MGAT4C: variants seen among roughly 807,000 people sequenced by gnomAD.
MGAT4C encodes the protein MGAT4 family member C.
Under a neutral mutation model 40.1 loss-of-function variants are expected in MGAT4C, and 19 were observed. The ratio of observed to expected loss-of-function variants is 0.47; its 90% CI spans 0.33 to 0.70. MGAT4C has a LOEUF of 0.70. MGAT4C is among the 30% of genes least tolerant of loss of function. The pLI is 0.02. For synonymous variants in MGAT4C, 181 were observed against 187.1 expected (o/e 0.97, Z 0.27); for missense variants, 491 against 563.2 (o/e 0.87, Z 1.30).
intron 1 of MGAT4C, among the ~76,000 whole-genome samples, chr12:86,180,012 C>T: frequency 6.6e-6 from 1 of 152,150 alleles, no homozygotes; most frequent in Non-Finnish European, 1.5e-5. Context: ...CCCAGAGGCC[C>T]AGGAGGAAAA....
chr12:86,359,938 C>A lies in MGAT4C; in HGVS notation c.-119-25811G>T, dbSNP rs539842486. Among the ~76,000 whole-genome samples the A allele has an allele frequency of 1.4e-3, 208 of 152,246 alleles. 1 individual carries two copies. The highest frequency in any genetic ancestry group is 4.7e-3 in the African/African-American group (196 of 41,528). ...TGGTACCATTCCTTCTGAAACTATT[C>A]CAATTAATAGATAAAGAGGGAATCC... On this transcript the variant is annotated intron_variant, in intron 3 of 7. Transcript: ENST00000548651.
At position 86,813,643 on chromosome 12, in the gene MGAT4C, A is replaced by G. The variant is rs570185362; in HGVS notation, c.-262+25023T>C. On this transcript the variant is annotated intron_variant, in intron 1 of 7. Coordinates refer to the MGAT4C transcript ENST00000548651. ...TTTTTAATTGACACAGTGAGTCACT[A>G]CATATTTCTGAAAAATTGCCTTAGG... Among the ~76,000 whole-genome samples, 9 of 152,192 alleles carry G rather than the reference A, an allele frequency of 5.9e-5. No homozygotes were observed. The South Asian group carries it at 1.9e-3, about 32-fold the overall frequency.
At position 85,960,724 on chromosome 12, in the gene MGAT4C, A is replaced by T. The variant is rs1883070811; in HGVS notation, c.*18565T>A. 6.6e-6 allele frequency: 1 copy of T among 151,910 alleles called. No individual in the cohort carries two copies. The highest frequency in any genetic ancestry group is 2.4e-5 in the African/African-American group (1 of 41,422). The allele number at this position is 151,910 out of a possible 1,614,324, so 9.4% of individuals were successfully genotyped here. The stretch of plus-strand genomic sequence containing the variant: ...AATGATGGCATGAACAACTCTAGAT[A>T]ATTTTTGTTTATTTGGATATAACGT... On this transcript the variant is annotated 3_prime_UTR_variant, in exon 5 of 5. Transcript: ENST00000611864.
chr12:86,071,790 A>G (rs1359220633), intron 1 of MGAT4C, among the ~76,000 whole-genome samples: 1 of 152,128 alleles, frequency 6.6e-6, no homozygotes, highest in Admixed American at 6.6e-5. Context: ...GTTGAACAGT[A>G]AAACGTGTTA....
At chr12:86,495,150 A>T (rs868499841) in intron 2 of MGAT4C, 149 of 152,218 alleles carry the variant, frequency 9.8e-4, no homozygotes, top group African/African-American at 3.5e-3. Context: ...TTATTTGCAT[A>T]TCAATAGGTA....
intron 3 of MGAT4C, among the ~76,000 whole-genome samples, chr12:86,408,479 C>CTGTA (rs1267344319): frequency 2.4e-4 from 15 of 63,344 alleles, no homozygotes; most frequent in African/African-American, 1.1e-3. Context: ...CTCTCTCTCT[C>CTGTA]TATATATATA....
intron 2 of MGAT4C, among the ~76,000 whole-genome samples, chr12:86,650,410 A>G (rs1010886896): frequency 2.6e-5 from 4 of 151,850 alleles, no homozygotes; most frequent in Non-Finnish European, 4.4e-5. Context: ...AGGTAAAGCT[A>G]GCATATTGCA....
intron 3 of MGAT4C, among the ~76,000 whole-genome samples, chr12:86,432,393 T>C (rs2136270355): frequency 6.6e-6 from 1 of 152,088 alleles, no homozygotes; most frequent in Admixed American, 6.6e-5. Flanking sequence ...GGTAGAGATG[T>C]GTAGTAAATA....
At chr12:86,517,590 G>C (rs1262252219) in intron 2 of MGAT4C, among the ~76,000 whole-genome samples, 1 of 152,030 alleles carries the variant, frequency 6.6e-6, no homozygotes, top group African/African-American at 2.4e-5. Flanking sequence ...TTCCAAAATA[G>C]GTTTTGAGAG....
chr12:86,491,575 G>T (rs1958136312), intron 2 of MGAT4C, among the ~76,000 whole-genome samples: 2 of 151,944 alleles, frequency 1.3e-5, no homozygotes, highest in South Asian at 4.2e-4. Flanking sequence ...TGCAGAACAG[G>T]CCTTTGACAA....
intron 1 of MGAT4C, among the ~76,000 whole-genome samples, chr12:86,152,797 T>A (rs1433807870): frequency 6.6e-6 from 1 of 152,188 alleles, no homozygotes; most frequent in East Asian, 1.9e-4. Flanking sequence ...CACATATGCA[T>A]TTTTGTGAAA....
At chr12:86,109,376 T>C (rs926749028) in intron 1 of MGAT4C, among the ~76,000 whole-genome samples, 1 of 152,112 alleles carries the variant, frequency 6.6e-6, no homozygotes, top group South Asian at 2.1e-4. Context: ...GTCATATTCT[T>C]ATACTAGCTA....
At chr12:86,357,860 A>G (rs1191910732) in intron 3 of MGAT4C, among the ~76,000 whole-genome samples, 4 of 152,212 alleles carry the variant, frequency 2.6e-5, no homozygotes, top group African/African-American at 9.6e-5. Flanking sequence ...TGATTGGTGT[A>G]CCTGAAAGTG....
At chr12:86,574,923 A>G (rs1960501718) in intron 2 of MGAT4C, among the ~76,000 whole-genome samples, 1 of 151,788 alleles carries the variant, frequency 6.6e-6, no homozygotes, top group African/African-American at 2.4e-5. Context: ...TGATACAGTG[A>G]GTATCTACAT....
chr12:86,394,752 T>C (rs1956225606), intron 3 of MGAT4C, among the ~76,000 whole-genome samples: 1 of 150,948 alleles, frequency 6.6e-6, no homozygotes, highest in African/African-American at 2.4e-5. Flanking sequence ...CCTGAGTAAC[T>C]GGGATTACAG....
At chr12:86,795,565 T>C (rs185052750) in intron 1 of MGAT4C, among the ~76,000 whole-genome samples, 64 of 151,610 alleles carry the variant, frequency 4.2e-4, no homozygotes, top group African/African-American at 1.5e-3. Flanking sequence ...TTGAAGTCAA[T>C]GTATTTGGAA....
intron 1 of MGAT4C, among the ~76,000 whole-genome samples, chr12:86,200,127 G>GTTTTTTTTTTTTTTTTTTTTTTTTTTGT (rs56844963): frequency 9.8e-6 from 1 of 102,356 alleles, no homozygotes; most frequent in African/African-American, 4.8e-5. Context: ...GTATGTATTT[G>GTTTTTTTTTTTTTTTTTTTTTTTTTTGT]TTTTTTTTTT....
intron 2 of MGAT4C, among the ~76,000 whole-genome samples, chr12:86,594,174 C>T (rs1209118154): frequency 6.6e-6 from 1 of 152,030 alleles, no homozygotes; most frequent in Non-Finnish European, 1.5e-5. Context: ...TCAGCTTCAG[C>T]GATATGTAGC....
chr12:86,709,305 G>C (rs1950516566), intron 2 of MGAT4C, among the ~76,000 whole-genome samples: 1 of 152,124 alleles, frequency 6.6e-6, no homozygotes, highest in African/African-American at 2.4e-5. Flanking sequence ...CAGCCACGTG[G>C]AACTGTAAGT....
Sources: gnomAD v4.1 joint callset for allele counts (sites outside exome capture counted in the v4.1 genomes callset) on GRCh38, gnomAD v4.1.1 for gene constraint, MANE v1.5 for transcripts, NCBI Gene and HGNC (gene_info 2026-07-23, HGNC 2026-07-21) for gene names.